Variants in ST8SIA1 observed in about 807,000 individuals in gnomAD.
The protein encoded by ST8SIA1 is alpha-N-acetylneuraminide alpha-2,8-sialyltransferase.
In ST8SIA1, 16 loss-of-function variants were observed where a neutral mutation model predicts 35.9. The observed-to-expected ratio is 0.45, with a 90% confidence interval of 0.30 to 0.68. The LOEUF is 0.68. Among genes scored for constraint, ST8SIA1 ranks in the 30% least tolerant of loss-of-function variants. The pLI, the probability that ST8SIA1 is intolerant of heterozygous loss-of-function variation, is 0.09. For missense variants in ST8SIA1, 383 were observed against 453.6 expected (o/e 0.84, Z 1.41); for synonymous variants, 170 against 169.6 (o/e 1.00, Z -0.02).
intron 1 of ST8SIA1, among the ~76,000 whole-genome samples, chr12:22,313,908 A>G (rs145321966): frequency 2.4e-4 from 37 of 152,222 alleles, no homozygotes; most frequent in African/African-American, 8.7e-4. Context: ...CATTCTTTAA[A>G]ATGTCTATCT....
intron 4 of ST8SIA1, among the ~76,000 whole-genome samples, chr12:22,218,665 C>T (rs67369330): frequency 0.11 from 13,139 of 120,662 alleles, 1,045 homozygotes; most frequent in African/African-American, 0.23. Flanking sequence ...TGGTGGCAGG[C>T]GCCTATAATC....
chr12:22,278,978 A>G (rs1196054640), intron 2 of ST8SIA1, among the ~76,000 whole-genome samples: 1 of 152,118 alleles, frequency 6.6e-6, no homozygotes, highest in African/African-American at 2.4e-5. Context: ...ATTACCTAAC[A>G]ATTTTCCCAA....
At chr12:22,236,293 C>T (rs1032069026) in intron 4 of ST8SIA1, among the ~76,000 whole-genome samples, 1 of 152,190 alleles carries the variant, frequency 6.6e-6, no homozygotes, top group Admixed American at 6.5e-5. Context: ...GTTCCATATA[C>T]AGACAGCACA....
intron 1 of ST8SIA1, among the ~76,000 whole-genome samples, chr12:22,317,138 T>A (rs1302419837): frequency 6.6e-6 from 1 of 152,204 alleles, no homozygotes; most frequent in African/African-American, 2.4e-5. Flanking sequence ...GGAGAAACAT[T>A]ATGGTCAACT....
intron 2 of ST8SIA1, among the ~76,000 whole-genome samples, chr12:22,275,058 G>T (rs1865953586): frequency 6.6e-6 from 1 of 152,266 alleles, no homozygotes; most frequent in Non-Finnish European, 1.5e-5. Flanking sequence ...AACACTGCCA[G>T]GTGGTTGAGA....
intron 1 of ST8SIA1, among the ~76,000 whole-genome samples, chr12:22,320,355 A>T (rs1232361509): frequency 2.0e-5 from 3 of 152,114 alleles, no homozygotes; most frequent in Non-Finnish European, 4.4e-5. Context: ...TTTTATGTTT[A>T]CCACTCCACA....
intron 4 of ST8SIA1, among the ~76,000 whole-genome samples, chr12:22,241,606 T>A (rs1303980744): frequency 6.7e-6 from 1 of 148,956 alleles, no homozygotes; most frequent in Non-Finnish European, 1.5e-5. Flanking sequence ...GTATTTTTTT[T>A]TTTTTTTTTT....
intron 1 of ST8SIA1, chr12:22,325,678 GTTTTTTCCTA>G (rs1866666595): frequency 3.3e-6 from 2 of 605,382 alleles, no homozygotes; most frequent in Non-Finnish European, 5.8e-6. Context: ...CCTATATACC[GTTTTTTCCTA>G]TTTTTTCCTA....
At chr12:22,206,045 C>T (rs1865105562) in intron 4 of ST8SIA1, among the ~76,000 whole-genome samples, 1 of 152,036 alleles carries the variant, frequency 6.6e-6, no homozygotes, top group South Asian at 2.1e-4. Flanking sequence ...AATGTTAAAG[C>T]ATTCAGTTAC....
In ST8SIA1 at chr12:22,287,219, C is replaced by G. The variant is rs755593954; in HGVS notation, c.311G>C (p.Ser104Thr). 20 of 1,613,880 alleles carry G rather than the reference C, an allele frequency of 1.2e-5. No individual in the cohort carries two copies. Among genetic ancestry groups the G allele is most frequent in the Non-Finnish European group, 1.7e-5 (20 of 1,179,818 alleles). The change falls in exon 2 of 5, where the codon AGC (serine) becomes ACC (threonine). Residue 104 changes from serine (S) to threonine (T), a missense_variant. Ser to Thr is a moderately conservative substitution (Grantham distance 58). Transcript: ENST00000396037. ...TAAAAACTCCCCGTCATACCACATG[C>G]TCTTCCCCATAGGGGAATTCATTTT... ...MTKMNSPMGK[S>T]MWYDGEFLYS...
At chr12:22,222,420 C>G (rs1385851504) in intron 4 of ST8SIA1, among the ~76,000 whole-genome samples, 2 of 152,082 alleles carry the variant, frequency 1.3e-5, no homozygotes, top group African/African-American at 4.8e-5. Context: ...TAGAAAATCT[C>G]TAATTTTCCA....
At chr12:22,260,230 C>T (rs112662034) in intron 2 of ST8SIA1, among the ~76,000 whole-genome samples, 67 of 151,554 alleles carry the variant, frequency 4.4e-4, no homozygotes, top group African/African-American at 1.5e-3. Flanking sequence ...GGTGCCATCA[C>T]GGCTCACTGC....
intron 1 of ST8SIA1, among the ~76,000 whole-genome samples, chr12:22,297,679 C>G (rs734554): frequency 0.33 from 50,064 of 151,942 alleles, 9,350 homozygotes; most frequent in African/African-American, 0.51. Flanking sequence ...CTGTCATCCA[C>G]TTTCCATTAA....
chr12:22,224,711 G>C (rs969836261), intron 4 of ST8SIA1, among the ~76,000 whole-genome samples: 1 of 152,108 alleles, frequency 6.6e-6, no homozygotes, highest in Non-Finnish European at 1.5e-5. Flanking sequence ...CCAGCAGAAA[G>C]TACTCTATCC....
intron 1 of ST8SIA1, among the ~76,000 whole-genome samples, chr12:22,327,620 T>C (rs1394091884): frequency 6.6e-6 from 1 of 152,298 alleles, no homozygotes; most frequent in East Asian, 1.9e-4. Flanking sequence ...ATGTGGCCCC[T>C]TAAAGTATAG....
At chr12:22,262,095 A>G (rs1299531297) in intron 2 of ST8SIA1, among the ~76,000 whole-genome samples, 1 of 151,750 alleles carries the variant, frequency 6.6e-6, no homozygotes, top group African/African-American at 2.4e-5. Context: ...TTTCTGGTCT[A>G]TTAGATAATA....
At chr12:22,251,415 G>C (rs768737630) in intron 3 of ST8SIA1, among the ~76,000 whole-genome samples, 1 of 152,112 alleles carries the variant, frequency 6.6e-6, no homozygotes, top group Admixed American at 6.5e-5. Flanking sequence ...AGAGGTGAAT[G>C]CTTAAAACCA....
At chr12:22,303,846 C>CCACACACACACACACA (rs61596419) in intron 1 of ST8SIA1, among the ~76,000 whole-genome samples, 18 of 140,782 alleles carry the variant, frequency 1.3e-4, no homozygotes, top group Middle Eastern at 3.7e-3. Context: ...CACCACCCTG[C>CCACACACACACACACA]CACACACACA....
chr12:22,201,725 C>G lies in ST8SIA1; in HGVS notation c.898G>C (p.Val300Leu). The part of the protein sequence containing the change: ...VAIYGFWPFS[V>L]NMHEQPISHH... ...CTGATGGGCTGCTCATGCATATTCA[C>G]AGAGAAGGGCCAGAAGCCATAGATG... Residue 300 changes from valine (V) to leucine (L), a missense_variant, in exon 5 of 5, where the codon GTG becomes CTG. Coordinates refer to ENST00000396037, the MANE Select transcript of ST8SIA1 (RefSeq NM_003034.4). The G allele has an allele frequency of 6.2e-7, 1 of 1,614,068 alleles. No homozygotes were observed.
Sources: allele counts gnomAD v4.1 joint callset (sites outside exome capture counted in the v4.1 genomes callset), GRCh38; gene constraint gnomAD v4.1.1; transcripts MANE v1.5; gene names NCBI Gene and HGNC (gene_info 2026-07-23, HGNC 2026-07-21).